Variants in EFCAB6 observed in about 807,000 individuals in gnomAD.
EFCAB6 encodes the protein EF-hand calcium-binding domain-containing protein 6.
Under a neutral mutation model 169.8 loss-of-function variants are expected in EFCAB6, and 156 were observed. The ratio of observed to expected loss-of-function variants is 0.92; its 90% CI spans 0.81 to 1.05. EFCAB6 has a LOEUF of 1.05. Among genes scored for constraint, EFCAB6 ranks in the 50% least tolerant of loss-of-function variants. The pLI is 0.00. For synonymous variants in EFCAB6, 698 were observed against 676.4 expected (o/e 1.03, Z -0.50); for missense variants, 1,800 against 1,829.1 (o/e 0.98, Z 0.29).
At chr22:43,545,132 G>C (rs909537335) in intron 27 of EFCAB6, among the ~76,000 whole-genome samples, 2 of 151,880 alleles carry the variant, frequency 1.3e-5, no homozygotes, top group African/African-American at 4.8e-5. Context: ...GGGCAACAGA[G>C]TGAGACTCCA....
intron 10 of EFCAB6, among the ~76,000 whole-genome samples, chr22:43,694,071 T>C (rs1454233943): frequency 1.3e-5 from 2 of 151,922 alleles, no homozygotes; most frequent in Non-Finnish European, 2.9e-5. Flanking sequence ...GTGAGTGACT[T>C]AAATATTGAT....
In EFCAB6 at chr22:43,600,176, G is replaced by A; in HGVS notation, c.2769C>T (p.Pro923=). Residue 923 remains proline, a synonymous_variant, in exon 23 of 32, where the codon CCC becomes CCT. Transcript: ENST00000262726. ...TGAAGTTGAAATAATCCTCTGCACA[G>A]GGCCGATGGACAGCAGGCGAATAGT... The part of the protein sequence containing the change: ...GINYSPAVHR[P]CAEDYFNFMG... 1.2e-6 allele frequency: 2 copies of A among 1,614,120 alleles called. No individual in the cohort carries two copies. The highest frequency in any genetic ancestry group is 1.7e-6 in the Non-Finnish European group (2 of 1,180,024).
At chr22:43,548,539 C>CA (rs397868076) in intron 27 of EFCAB6, among the ~76,000 whole-genome samples, 587 of 36,752 alleles carry the variant, frequency 0.016, 137 homozygotes, top group Non-Finnish European at 0.019. Flanking sequence ...GAATCCATCT[C>CA]AAAAAAAAAA....
chr22:43,613,823 G>C (rs1178033231), intron 21 of EFCAB6, among the ~76,000 whole-genome samples: 1 of 152,004 alleles, frequency 6.6e-6, no homozygotes, highest in African/African-American at 2.4e-5. Context: ...GAAATATTTA[G>C]GTATAAATCT....
At chr22:43,640,635 A>G (rs1372830622) in intron 17 of EFCAB6, among the ~76,000 whole-genome samples, 3 of 152,144 alleles carry the variant, frequency 2.0e-5, no homozygotes. Context: ...AAAGGCTATT[A>G]GTTTCCTCAA....
intron 20 of EFCAB6, among the ~76,000 whole-genome samples, chr22:43,617,188 T>C (rs377759436): frequency 5.3e-5 from 8 of 152,184 alleles, no homozygotes; most frequent in South Asian, 4.1e-4. Context: ...CTTTGGAAAA[T>C]TGATGGAATT....
chr22:43,557,301 A>T (rs914743011), intron 26 of EFCAB6, among the ~76,000 whole-genome samples: 1 of 152,248 alleles, frequency 6.6e-6, no homozygotes, highest in African/African-American at 2.4e-5. Context: ...AACTGGAAAT[A>T]CTATGAGTCT....
At chr22:43,605,996 C>T (rs2052893186) in intron 22 of EFCAB6, among the ~76,000 whole-genome samples, 1 of 152,110 alleles carries the variant, frequency 6.6e-6, no homozygotes, top group Non-Finnish European at 1.5e-5. Flanking sequence ...AAATGAAAAA[C>T]ACGGACACGG....
At chr22:43,584,937 A>G (rs1473388323) in intron 24 of EFCAB6, among the ~76,000 whole-genome samples, 1 of 152,214 alleles carries the variant, frequency 6.6e-6, no homozygotes, top group Non-Finnish European at 1.5e-5. Flanking sequence ...ACTGGAGTAA[A>G]TTGGAGCCTT....
intron 17 of EFCAB6, among the ~76,000 whole-genome samples, chr22:43,643,335 C>G (rs1203054289): frequency 6.6e-6 from 1 of 152,236 alleles, no homozygotes; most frequent in Non-Finnish European, 1.5e-5. Context: ...GTTGGTCGGA[C>G]TCCACGGGAC....
In EFCAB6 at chr22:43,746,018, G is replaced by A. The variant is rs549715158; in HGVS notation, c.507+9748C>T. On this transcript the variant is annotated intron_variant, in intron 6 of 31. Coordinates refer to ENST00000262726, the MANE Select transcript of EFCAB6 (RefSeq NM_022785.4). ...CTCTGCAGAGTATTGGCTTCCTACC[G>A]TGAACATTTCCTATTTACCAGCTGG... Among the ~76,000 whole-genome samples the A allele has an allele frequency of 2.4e-4, 37 of 152,280 alleles. No homozygotes were observed. The East Asian group carries it at 5.6e-3, about 23-fold the overall frequency.
chr22:43,578,296 G>GC (rs1220824885), intron 25 of EFCAB6, among the ~76,000 whole-genome samples: 1 of 152,130 alleles, frequency 6.6e-6, no homozygotes, highest in African/African-American at 2.4e-5. Context: ...AGGGCTTGTG[G>GC]CCCCCCAGCA....
rs1025633273 is a variant in EFCAB6, at chr22:43,672,180, C to A, written c.1480-47G>T. On this transcript the variant is annotated intron_variant, in intron 14 of 31. Coordinates refer to ENST00000262726, the MANE Select transcript of EFCAB6 (RefSeq NM_022785.4). ...ATTTCCTAAGCCATACATCTGTAAC[C>A]TCTTGTAACAGTAACCTCAAACCAT... 56 of 1,613,542 alleles carry A rather than the reference C, an allele frequency of 3.5e-5. No individual in the cohort carries two copies. The Admixed American group carries it at 8.5e-4, about 25-fold the overall frequency.
At chr22:43,785,222 G>T (rs1338082711) in intron 2 of EFCAB6, among the ~76,000 whole-genome samples, 2 of 152,094 alleles carry the variant, frequency 1.3e-5, no homozygotes, top group East Asian at 3.9e-4. Context: ...AACAATAGTA[G>T]AATATCATTC....
intron 10 of EFCAB6, among the ~76,000 whole-genome samples, chr22:43,707,120 G>A (rs1212448634): frequency 6.6e-6 from 1 of 152,176 alleles, no homozygotes; most frequent in East Asian, 1.9e-4. Flanking sequence ...AGGCTCAAAG[G>A]GAATGGGGTT....
At position 43,603,021 on chromosome 22, in the gene EFCAB6, C is replaced by G. The variant is rs919185412; in HGVS notation, c.2682-2758G>C. On this transcript the variant is annotated intron_variant, in intron 22 of 31. Coordinates refer to ENST00000262726, the MANE Select transcript of EFCAB6 (RefSeq NM_022785.4). ...CAAATTCACAGCATTCAGCAACACA[C>G]TTTGCATGAGCTACGTTATCCATTC... Among the ~76,000 whole-genome samples, 3 of 152,028 alleles carry G rather than the reference C, an allele frequency of 2.0e-5. No homozygotes were observed. In the South Asian group the frequency reaches 6.2e-4, roughly 32 times the overall value.
intron 22 of EFCAB6, 95 bp downstream of exon 22, chr22:43,608,387 G>C: frequency 9.6e-7 from 1 of 1,045,046 alleles, no homozygotes. Flanking sequence ...CCAGCCCCCA[G>C]TTACCCTGAT....
rs551359381 is a variant in EFCAB6, at chr22:43,677,977, A to C, written c.1419+19T>G. ...CAACATAAAGAGAAAACCAAACAGG[A>C]AGTTGTTACAAAACTCACCCTACAG... On this transcript the variant is annotated intron_variant, in intron 13 of 31. Coordinates refer to ENST00000262726, the MANE Select transcript of EFCAB6 (RefSeq NM_022785.4). The C allele has an allele frequency of 6.3e-7, 1 of 1,597,950 alleles. No homozygotes were observed. Among genetic ancestry groups the C allele is most frequent in the East Asian group, 2.2e-5 (1 of 44,624 alleles).
chr22:43,736,099 G>A lies in EFCAB6; in HGVS notation c.508-106C>T, dbSNP rs143582805. ...TTTAATACTTTTTATAAAATAAAAT[G>A]TTTTCAAAGACTCACAGTGGTAGGC... is the stretch of plus-strand genomic sequence containing the variant. On this transcript the variant is annotated intron_variant, in intron 6 of 31. Coordinates refer to ENST00000262726, the MANE Select transcript of EFCAB6 (RefSeq NM_022785.4). 1.7e-4 allele frequency: 200 copies of A among 1,162,348 alleles called. 2 individuals are homozygous for A. Among genetic ancestry groups the A allele is most frequent in the Non-Finnish European group, 2.1e-4 (187 of 877,624 alleles). The allele number at this position is 1,162,348 out of a possible 1,614,324, so 72.0% of individuals were successfully genotyped here.
Sources: allele counts gnomAD v4.1 joint callset (sites outside exome capture counted in the v4.1 genomes callset), GRCh38; gene constraint gnomAD v4.1.1; transcripts MANE v1.5; gene names NCBI Gene and HGNC (gene_info 2026-07-23, HGNC 2026-07-21).